The following BCL2L14 variants were observed in gnomAD, a reference collection of about 807,000 sequenced individuals.
The protein encoded by BCL2L14 is apoptosis facilitator Bcl-2-like protein 14.
In BCL2L14, 27 loss-of-function variants were observed where a neutral mutation model predicts 35.3. That is an observed-to-expected ratio of 0.76 (90% CI 0.56 to 1.05). The LOEUF is 1.05. Ranked by LOEUF, BCL2L14 falls within the 50% of genes least tolerant of loss-of-function variation. BCL2L14 has a pLI of 0.00. For synonymous variants in BCL2L14, 139 were observed against 145.9 expected, an observed-to-expected ratio of 0.95 and a Z score of 0.34; for missense variants, 377 against 382.6, an observed-to-expected ratio of 0.99 and a Z score of 0.12.
intron 2 of BCL2L14, among the ~76,000 whole-genome samples, chr12:12,059,675 C>A (rs1296028527): frequency 6.6e-6 from 1 of 152,070 alleles, no homozygotes; most frequent in East Asian, 1.9e-4. Context: ...TATAGGCAAG[C>A]TTCCACCTTC....
chr12:12,099,121 G>C lies in BCL2L14; in HGVS notation c.*133G>C. 2 of 671,700 alleles carry C rather than the reference G, an allele frequency of 3.0e-6. No individual in the cohort carries two copies. Among genetic ancestry groups the C allele is most frequent in the Non-Finnish European group, 2.7e-6 (1 of 374,406 alleles). The allele number at this position is 671,700 out of a possible 1,614,324, so 41.6% of individuals were successfully genotyped here. A position where few individuals can be genotyped will look rare whatever the true frequency, so the allele number is the denominator to read the frequency against. The stretch of plus-strand genomic sequence containing the variant: ...ACGTTTTCAAAACCATTATTCCTGT[G>C]ACTGGAGAGGCATCAGGAGAGGTCT... On this transcript the variant is annotated 3_prime_UTR_variant, in exon 6 of 6. Coordinates refer to ENST00000308721, the MANE Select transcript of BCL2L14 (RefSeq NM_138723.2).
At chr12:12,097,798 C>A (rs1453873829) in intron 5 of BCL2L14, among the ~76,000 whole-genome samples, 1 of 149,060 alleles carries the variant, frequency 6.7e-6, no homozygotes, top group East Asian at 2.0e-4. Flanking sequence ...AGAAAAAAAA[C>A]AGTTCCAATT....
chr12:12,095,561 C>T, intron 5 of BCL2L14: 1 of 985,424 alleles, frequency 1.0e-6, no homozygotes, highest in Non-Finnish European at 1.2e-6. Flanking sequence ...CATGTTCAAA[C>T]AGCTACATAA....
At chr12:12,080,122 G>T (rs1230157862) in intron 2 of BCL2L14, among the ~76,000 whole-genome samples, 5 of 150,254 alleles carry the variant, frequency 3.3e-5, no homozygotes, top group Non-Finnish European at 7.4e-5. Flanking sequence ...GGAGAATGGC[G>T]TGAACCCAGC....
chr12:12,074,059 TAA>T (rs1319937027), intron 1 of BCL2L14, among the ~76,000 whole-genome samples: 1 of 152,168 alleles, frequency 6.6e-6, no homozygotes, highest in Admixed American at 6.6e-5. Flanking sequence ...ATAACAAATA[TAA>T]GTGTCTTTTA....
At chr12:12,095,970 C>T in intron 5 of BCL2L14, 1 of 985,400 alleles carries the variant, frequency 1.0e-6, no homozygotes, top group African/African-American at 1.7e-5. Flanking sequence ...GCTGCCTTAG[C>T]TTATTCTAAA....
chr12:12,072,753 G>T (rs1369285727), intron 1 of BCL2L14, among the ~76,000 whole-genome samples: 1 of 152,138 alleles, frequency 6.6e-6, no homozygotes, highest in Admixed American at 6.5e-5. Context: ...AAGCAGAAGG[G>T]ATCTAACCTG....
intron 2 of BCL2L14, among the ~76,000 whole-genome samples, chr12:12,057,385 A>C (rs896986124): frequency 3.3e-5 from 5 of 152,246 alleles, no homozygotes; most frequent in Non-Finnish European, 5.9e-5. Flanking sequence ...AAGGATATCC[A>C]GTAATCTCTT....
chr12:12,062,820 G>C (rs1948545389), intron 2 of BCL2L14, among the ~76,000 whole-genome samples: 1 of 152,114 alleles, frequency 6.6e-6, no homozygotes, highest in South Asian at 2.1e-4. Flanking sequence ...AATCAGCCAA[G>C]CAGTTTTTCA....
At chr12:12,073,600 G>GTGCA (rs1555089363) in intron 1 of BCL2L14, among the ~76,000 whole-genome samples, 16 of 144,014 alleles carry the variant, frequency 1.1e-4, no homozygotes, top group African/African-American at 4.1e-4. Flanking sequence ...ATGCATGCAC[G>GTGCA]CGCACACACA....
At chr12:12,057,742 A>G (rs1948453376) in intron 2 of BCL2L14, among the ~76,000 whole-genome samples, 1 of 137,380 alleles carries the variant, frequency 7.3e-6, no homozygotes, top group Admixed American at 7.4e-5. Flanking sequence ...GGGCAATAAG[A>G]GCAAAACTCC....
At chr12:12,090,260 AG>A (rs1246563285) in intron 3 of BCL2L14, among the ~76,000 whole-genome samples, 2 of 152,190 alleles carry the variant, frequency 1.3e-5, no homozygotes, top group African/African-American at 4.8e-5. Context: ...AAGGAAAGGA[AG>A]GGGCTGTAGG....
chr12:12,086,615 CT>C lies in BCL2L14; in HGVS notation c.434-597del, dbSNP rs1397468115. Among the ~76,000 whole-genome samples, 3 of 152,342 alleles carry C rather than the reference CT, an allele frequency of 2.0e-5. No individual in the cohort carries two copies. The East Asian group carries it at 5.8e-4, about 29-fold the overall frequency. ...TTGTGCTGACTGCATCCTTGTTTAC[CT>C]ATAAGCATTCATTGAATGTTTTCCA... On this transcript the variant is annotated intron_variant, in intron 2 of 5. Transcript: ENST00000308721.
At chr12:12,087,081 C>T (rs1949062285) in intron 2 of BCL2L14, 132 bp from the exon 3 acceptor site, 1 of 989,154 alleles carries the variant, frequency 1.0e-6, no homozygotes, top group South Asian at 1.7e-5. Flanking sequence ...AATGACCCTC[C>T]CCCAGCACAC....
upstream of BCL2L14, among the ~76,000 whole-genome samples, chr12:12,066,477 T>G (rs1400071577): frequency 6.6e-6 from 1 of 152,164 alleles, no homozygotes; most frequent in African/African-American, 2.4e-5. Flanking sequence ...TTCAAACTCT[T>G]AGGCATTTTT....
At chr12:12,086,453 G>T (rs1591829393) in intron 2 of BCL2L14, among the ~76,000 whole-genome samples, 1 of 152,204 alleles carries the variant, frequency 6.6e-6, no homozygotes, top group African/African-American at 2.4e-5. Flanking sequence ...AAAGGCGACT[G>T]GTCTCTTATA....
intron 3 of BCL2L14, among the ~76,000 whole-genome samples, chr12:12,090,310 C>T (rs926926398): frequency 9.2e-5 from 14 of 152,058 alleles, no homozygotes; most frequent in African/African-American, 2.9e-4. Context: ...GCAGAAGAGG[C>T]GAGGTAAGAT....
chr12:12,057,575 T>C (rs973936574), intron 2 of BCL2L14, among the ~76,000 whole-genome samples: 3 of 151,924 alleles, frequency 2.0e-5, no homozygotes, highest in Non-Finnish European at 4.4e-5. Flanking sequence ...CTGACCAACA[T>C]GGAGAAACCC....
Position 12,098,973 on chromosome 12 carries a change from T to A in BCL2L14, c.969T>A (p.His323Gln). The change falls in exon 6 of 6, where the codon CAT (histidine) becomes CAA (glutamine). Residue 323 changes from histidine (H) to glutamine (Q), a missense_variant. Coordinates refer to ENST00000308721, the MANE Select transcript of BCL2L14 (RefSeq NM_138723.2). Reference sequence around the variant, plus strand: ...AGGAAAAAATACTTGGGATATCACATGAAGAAGTAGACTGAAATATCAGAT... The same window carrying A: ...AGGAAAAAATACTTGGGATATCACAAGAAGAAGTAGACTGAAATATCAGAT... ...GGWEKILGIS[H>Q]EEVD The A allele has an allele frequency of 6.2e-7, 1 of 1,600,678 alleles. No homozygotes were observed. The highest frequency in any genetic ancestry group is 8.6e-7 in the Non-Finnish European group (1 of 1,167,708).
Sources: allele counts gnomAD v4.1 joint callset (sites outside exome capture counted in the v4.1 genomes callset), GRCh38; gene constraint gnomAD v4.1.1; transcripts MANE v1.5; gene names NCBI Gene and HGNC (gene_info 2026-07-23, HGNC 2026-07-21).